The following SPON1 variants were observed in gnomAD, a reference collection of about 807,000 sequenced individuals.
SPON1 encodes spondin 1.
In SPON1, 52 loss-of-function variants were observed where a neutral mutation model predicts 111.7. That is an observed-to-expected ratio of 0.47 (90% CI 0.37 to 0.59). SPON1 has a LOEUF of 0.59. Among genes scored for constraint, SPON1 ranks in the 20% least tolerant of loss-of-function variants. The pLI is 0.00. For synonymous variants in SPON1, 410 were observed against 395.8 expected, an observed-to-expected ratio of 1.04 and a Z score of -0.43; for missense variants, 957 against 1,068.5, an observed-to-expected ratio of 0.90 and a Z score of 1.46.
chr11:14,217,905 T>C (rs1161362949), intron 6 of SPON1, among the ~76,000 whole-genome samples: 1 of 152,230 alleles, frequency 6.6e-6, no homozygotes, highest in Non-Finnish European at 1.5e-5. Context: ...AGGTCAATGG[T>C]TCTCCCTTGG....
chr11:14,088,745 C>A (rs1849027009), intron 5 of SPON1, among the ~76,000 whole-genome samples: 1 of 152,056 alleles, frequency 6.6e-6, no homozygotes, highest in Admixed American at 6.6e-5. Flanking sequence ...TGGTTCCATT[C>A]TTGTCCTCAC....
At chr11:14,127,584 T>C (rs1302126421) in intron 5 of SPON1, among the ~76,000 whole-genome samples, 1 of 152,352 alleles carries the variant, frequency 6.6e-6, no homozygotes, top group East Asian at 1.9e-4. Context: ...TGACTCAACT[T>C]TGAATCCCAG....
At chr11:14,184,686 T>A (rs1311164059) in intron 6 of SPON1, among the ~76,000 whole-genome samples, 1 of 152,198 alleles carries the variant, frequency 6.6e-6, no homozygotes, top group Non-Finnish European at 1.5e-5. Context: ...TCCCCATAAC[T>A]ACTGTGATTC....
intron 2 of SPON1, among the ~76,000 whole-genome samples, chr11:14,021,050 A>G (rs1228873322): frequency 3.3e-5 from 5 of 152,194 alleles, no homozygotes; most frequent in African/African-American, 1.2e-4. Flanking sequence ...AAATGAGGTT[A>G]CAGAATATCA....
At chr11:14,016,854 C>T (rs1245511978) in intron 2 of SPON1, among the ~76,000 whole-genome samples, 1 of 152,148 alleles carries the variant, frequency 6.6e-6, no homozygotes, top group African/African-American at 2.4e-5. Context: ...TTCCTGATCA[C>T]CTACTAAGTG....
intron 3 of SPON1, among the ~76,000 whole-genome samples, chr11:14,042,399 A>AG (rs1258607607): frequency 1.3e-5 from 2 of 151,900 alleles, no homozygotes; most frequent in African/African-American, 4.8e-5. Context: ...CTGGCGAAAA[A>AG]AAAAAATCTG....
At chr11:14,173,132 A>G (rs868970530) in intron 6 of SPON1, among the ~76,000 whole-genome samples, 3 of 151,864 alleles carry the variant, frequency 2.0e-5, no homozygotes, top group South Asian at 4.2e-4. Context: ...AGGTACACCA[A>G]TCAGATGTAG....
intron 2 of SPON1, among the ~76,000 whole-genome samples, chr11:14,014,235 G>A (rs782807144): frequency 6.6e-6 from 1 of 152,174 alleles, no homozygotes; most frequent in Non-Finnish European, 1.5e-5. Context: ...TTAACAGCAA[G>A]TGAGATGGTA....
At chr11:14,062,193 G>A (rs781906281) in intron 3 of SPON1, among the ~76,000 whole-genome samples, 13 of 152,030 alleles carry the variant, frequency 8.6e-5, no homozygotes, top group African/African-American at 1.9e-4. Flanking sequence ...CAAGCAGGCC[G>A]GTTCACATCA....
intron 3 of SPON1, among the ~76,000 whole-genome samples, chr11:14,058,546 G>C (rs1361159259): frequency 6.6e-6 from 1 of 152,160 alleles, no homozygotes; most frequent in Non-Finnish European, 1.5e-5. Context: ...CTAGACCAGA[G>C]AAGGCAAGGA....
intron 4 of SPON1, among the ~76,000 whole-genome samples, chr11:14,076,124 A>G (rs1172637985): frequency 5.9e-5 from 9 of 152,038 alleles, no homozygotes; most frequent in African/African-American, 2.2e-4. Context: ...TATAGAATAG[A>G]TAGCTCTTGT....
chr11:14,137,888 T>C (rs1847610490), intron 6 of SPON1, among the ~76,000 whole-genome samples: 1 of 152,142 alleles, frequency 6.6e-6, no homozygotes. Flanking sequence ...CCTGGGAAAG[T>C]CAGTTGGATA....
At chr11:14,178,196 G>A (rs1554933318) in intron 6 of SPON1, among the ~76,000 whole-genome samples, 1 of 152,074 alleles carries the variant, frequency 6.6e-6, no homozygotes, top group African/African-American at 2.4e-5. Context: ...GCTGAGGCGG[G>A]TGGATCACAA....
At chr11:14,210,696 C>G (rs751571271) in intron 6 of SPON1, among the ~76,000 whole-genome samples, 1 of 152,094 alleles carries the variant, frequency 6.6e-6, no homozygotes, top group Non-Finnish European at 1.5e-5. Context: ...CCACCGCACC[C>G]GGGCATCTAG....
chr11:14,229,632 G>A (rs1425992655), intron 6 of SPON1, among the ~76,000 whole-genome samples: 2 of 152,190 alleles, frequency 1.3e-5, no homozygotes, highest in South Asian at 2.1e-4. Flanking sequence ...AGGGCAGTCT[G>A]TCTGGTCTAC....
At chr11:13,977,377 G>C (rs953365085) in intron 1 of SPON1, among the ~76,000 whole-genome samples, 1 of 152,160 alleles carries the variant, frequency 6.6e-6, no homozygotes, top group Non-Finnish European at 1.5e-5. Flanking sequence ...CAAACTGTTA[G>C]ATACGCAGTA....
intron 2 of SPON1, among the ~76,000 whole-genome samples, chr11:13,985,623 A>G (rs1344559524): frequency 6.6e-6 from 1 of 152,014 alleles, no homozygotes; most frequent in Non-Finnish European, 1.5e-5. Flanking sequence ...TATGACTTTT[A>G]TGACAGTCTC....
chr11:14,153,417 T>C (rs1465348189), intron 6 of SPON1, among the ~76,000 whole-genome samples: 1 of 152,130 alleles, frequency 6.6e-6, no homozygotes, highest in Non-Finnish European at 1.5e-5. Context: ...GAAGCCAGCA[T>C]GTCCTATAAG....
At chr11:14,171,687 T>C (rs1554932481) in intron 6 of SPON1, among the ~76,000 whole-genome samples, 4 of 152,162 alleles carry the variant, frequency 2.6e-5, no homozygotes, top group Non-Finnish European at 4.4e-5. Context: ...TTCTGGTATG[T>C]TGTGTCTTTG....
Sources: gnomAD v4.1 joint callset for allele counts (sites outside exome capture counted in the v4.1 genomes callset) on GRCh38, gnomAD v4.1.1 for gene constraint, MANE v1.5 for transcripts, NCBI Gene and HGNC (gene_info 2026-07-23, HGNC 2026-07-21) for gene names.